Variants in DEPDC1 observed in about 807,000 individuals in gnomAD.
The protein encoded by DEPDC1 is DEP domain-containing protein 1A.
In DEPDC1, 66 loss-of-function variants were observed where a neutral mutation model predicts 86.8. The observed-to-expected ratio is 0.76, with a 90% CI of 0.62 to 0.93. The LOEUF (loss-of-function observed/expected upper bound fraction) is 0.93. DEPDC1 is among the 40% of genes least tolerant of loss of function. DEPDC1 has a pLI of 0.00. For missense variants in DEPDC1, 792 were observed against 935.7 expected (o/e 0.85, Z 2.00); for synonymous variants, 255 against 314.9 (o/e 0.81, Z 2.02).
In DEPDC1 at chr1:68,475,439, A is replaced by G. The variant is rs1646108868; in HGVS notation, c.*1493T>C. 1 of 151,898 alleles carries G rather than the reference A, an allele frequency of 6.6e-6. No individual in the cohort carries two copies. The highest frequency in any genetic ancestry group is 2.1e-4 in the South Asian group (1 of 4,830). The allele number at this position is 151,898 out of a possible 1,614,324, so 9.4% of individuals were successfully genotyped here. On this transcript the variant is annotated 3_prime_UTR_variant, in exon 12 of 12. Transcript: ENST00000456315. ...CTTAGAAAGAATTCATTTTGGTTCA[A>G]TAATTTTATAGCCAGGATAAAGTCA...
chr1:68,480,091 A>AT (rs1452944349), intron 9 of DEPDC1, among the ~76,000 whole-genome samples: 1 of 152,084 alleles, frequency 6.6e-6, no homozygotes, highest in Non-Finnish European at 1.5e-5. Context: ...GCTGGAAAAT[A>AT]GTTTTTAAAA....
chr1:68,487,055 C>A, intron 5 of DEPDC1, 71 bp from the exon 6 acceptor site: 1 of 1,389,460 alleles, frequency 7.2e-7, no homozygotes, highest in Admixed American at 2.2e-5. Flanking sequence ...AAATATCACA[C>A]TTACGTGCAA....
At chr1:68,481,387 T>C (rs1646154125) in intron 9 of DEPDC1, 53 bp downstream of exon 9, 2 of 1,517,440 alleles carry the variant, frequency 1.3e-6, no homozygotes, top group African/African-American at 2.8e-5. Context: ...AGTTTGGTTT[T>C]GTTATTTTGG....
Position 68,477,981 on chromosome 1 carries a change from A to G in DEPDC1, c.2113-9T>C, listed in dbSNP as rs759063702. On this transcript the variant is annotated splice_polypyrimidine_tract_variant and intron_variant, in intron 10 of 11. Transcript: ENST00000456315. ...TCTCCAGGATTTTCAATCTGTAGTGATCAAAATGATATAACTCTGTTAATT... is the reference window on the plus strand; with the variant it reads ...TCTCCAGGATTTTCAATCTGTAGTGGTCAAAATGATATAACTCTGTTAATT... The G allele has an allele frequency of 1.1e-5, 17 of 1,518,394 alleles. No individual in the cohort carries two copies. Among genetic ancestry groups the G allele is most frequent in the Non-Finnish European group, 1.5e-5 (17 of 1,131,578 alleles). The allele number at this position is 1,518,394 out of a possible 1,614,324, so 94.1% of individuals were successfully genotyped here. A position where few individuals can be genotyped will look rare whatever the true frequency, so the allele number is the denominator to read the frequency against.
rs775927702 is a variant in DEPDC1, at chr1:68,486,938, A to G, written c.768T>C (p.Asn256=). 1.9e-6 allele frequency: 3 copies of G among 1,595,776 alleles called. No homozygotes were observed. The Admixed American group carries it at 5.3e-5, about 28-fold the overall frequency. Reference sequence around the variant, plus strand: ...CACACACACATATATTTAACTTACAATTTGCTAGGCACTTCATGGCAGATA... The same window carrying G: ...CACACACACATATATTTAACTTACAGTTTGCTAGGCACTTCATGGCAGATA... ...WVLSAMKCLA[N]WPRSNDMNNP... Residue 256 remains asparagine, a splice_region_variant and synonymous_variant, in exon 6 of 12, where the codon AAT becomes AAC. Transcript: ENST00000456315.
At position 68,477,055 on chromosome 1, in the gene DEPDC1, A is replaced by G. The variant is rs375812118; in HGVS notation, c.2313T>C (p.Tyr771=). ...GAAATCTTTTCTGATATATCAAAGG[A>G]TATTCCTTCTGAAACTTAAAAATGA... is the stretch of plus-strand genomic sequence containing the variant. ...RKKLKQFQKE[Y]PLIYQKRFPT... is the part of the protein sequence containing the mutation. The change falls in exon 12 of 12, where the codon TAT becomes TAC. Residue 771 remains tyrosine, a synonymous_variant. Transcript: ENST00000456315. The G allele has an allele frequency of 5.6e-6, 9 of 1,601,796 alleles. 1 individual carries two copies. The highest frequency in any genetic ancestry group is 4.5e-5 in the South Asian group (4 of 88,488).
chr1:68,477,984 A>C lies in DEPDC1; in HGVS notation c.2113-12T>G, dbSNP rs966667344. The C allele has an allele frequency of 4.7e-6, 7 of 1,492,336 alleles. No homozygotes were observed. The African/African-American group carries it at 8.4e-5, about 18-fold the overall frequency. The allele number at this position is 1,492,336 out of a possible 1,614,324, so 92.4% of individuals were successfully genotyped here. A position where few individuals can be genotyped will look rare whatever the true frequency, so the allele number is the denominator to read the frequency against. On this transcript the variant is annotated splice_polypyrimidine_tract_variant and intron_variant, in intron 10 of 11. Coordinates refer to ENST00000456315, the MANE Select transcript of DEPDC1 (RefSeq NM_001114120.3). ...CCAGGATTTTCAATCTGTAGTGATCAAAATGATATAACTCTGTTAATTCTG... is the reference window on the plus strand; with the variant it reads ...CCAGGATTTTCAATCTGTAGTGATCCAAATGATATAACTCTGTTAATTCTG...
rs185196005 is a variant in DEPDC1 at position 68,482,424 on chromosome 1, T to G, written c.1384A>C (p.Lys462Gln). Residue 462 changes from lysine (K) to glutamine (Q), a missense_variant, in exon 8 of 12, where the codon AAA becomes CAA. Physicochemically the swap from Lys to Gln is moderately conservative, Grantham distance 53. Coordinates refer to ENST00000456315, the MANE Select transcript of DEPDC1 (RefSeq NM_001114120.3). ...NNKLFLESKP[K>Q]QEFLLNLHSE... ...TGAAGATTCAACAGGAATTCCTGTT[T>G]GGGCTTAGACTCTAAAAACAGTTTA... 310 of 1,612,812 alleles carry G rather than the reference T, an allele frequency of 1.9e-4. No homozygotes were observed. Among genetic ancestry groups the G allele is most frequent in the Admixed American group, 3.2e-4 (19 of 59,810 alleles).
chr1:68,483,656 G>T, intron 7 of DEPDC1: 1 of 247,642 alleles, frequency 4.0e-6, no homozygotes, highest in Non-Finnish European at 7.8e-6. Flanking sequence ...CTTCCATTTG[G>T]CTATTCTTGA....
Position 68,489,017 on chromosome 1 carries a change from T to C in DEPDC1, c.489A>G (p.Ile163Met). Reference sequence around the variant, plus strand: ...GATCTTCATTGATTATTTCATGCTTTATTTTCTCGCCATTTTCCTGAAAAA... The same window carrying C: ...GATCTTCATTGATTATTTCATGCTTCATTTTCTCGCCATTTTCCTGAAAAA... ...LHLSQENGEK[I>M]KHEIINEDQE... Residue 163 changes from isoleucine (I) to methionine (M), a missense_variant, in exon 4 of 12, where the codon ATA becomes ATG. By Grantham distance (10) the Ile-to-Met change is conservative. Transcript: ENST00000456315. The C allele has an allele frequency of 1.2e-6, 2 of 1,602,688 alleles. No homozygotes were observed. Among genetic ancestry groups the C allele is most frequent in the Non-Finnish European group, 8.5e-7 (1 of 1,171,908 alleles).
chr1:68,484,244 C>G (rs1020450264), intron 6 of DEPDC1, among the ~76,000 whole-genome samples, 154 bp from the exon 7 acceptor site: 2 of 152,046 alleles, frequency 1.3e-5, no homozygotes, highest in Non-Finnish European at 1.5e-5. Flanking sequence ...GTATTTCATT[C>G]TTCCTCATTA....
At chr1:68,489,696 G>T in intron 2 of DEPDC1, 88 bp from the exon 3 acceptor site, 2 of 975,858 alleles carry the variant, frequency 2.0e-6, no homozygotes, top group Non-Finnish European at 3.0e-6. Context: ...CACATAAAGA[G>T]CCTGACTTAT....
Position 68,497,011 on chromosome 1 carries a change from C to G in DEPDC1, c.-12G>C. The G allele has an allele frequency of 6.2e-7, 1 of 1,611,130 alleles. No homozygotes were observed. Among genetic ancestry groups the G allele is most frequent in the African/African-American group, 1.3e-5 (1 of 74,768 alleles). ...CCCTGACTCTCCATAGGTCTGTCAG[C>G]GCCCGGTGGCGTCCATGGCGGCGAA... On this transcript the variant is annotated 5_prime_UTR_variant, in exon 1 of 12. Coordinates refer to ENST00000456315, the MANE Select transcript of DEPDC1 (RefSeq NM_001114120.3).
At chr1:68,479,051 G>A (rs1646136030) in intron 10 of DEPDC1, 93 bp downstream of exon 10, 1 of 1,124,538 alleles carries the variant, frequency 8.9e-7, no homozygotes, top group African/African-American at 1.6e-5. Context: ...TATGGGAGCT[G>A]ATAAAGTCTC....
intron 1 of DEPDC1, 27 bp from the exon 2 acceptor site, chr1:68,494,722 A>T (rs1418837996): frequency 1.3e-6 from 2 of 1,570,222 alleles, no homozygotes; most frequent in East Asian, 4.5e-5. Flanking sequence ...AATATTTTTA[A>T]AAAATTGAAG....
chr1:68,485,164 TCACACACACA>T lies in DEPDC1; in HGVS notation c.770-1084_770-1075del, dbSNP rs57417497. Among the ~76,000 whole-genome samples the T allele has an allele frequency of 9.6e-3, 1,434 of 149,562 alleles. 19 individuals carry two copies. Among genetic ancestry groups the T allele is most frequent in the African/African-American group, 0.033 (1,366 of 40,866 alleles). On this transcript the variant is annotated intron_variant, in intron 6 of 11. Transcript: ENST00000456315. ...CTGAAAAAGAATTAAAGAAAACAATTCACACACACACACACACACACACACACTCTTAACA... is the reference window on the plus strand; with the variant it reads ...CTGAAAAAGAATTAAAGAAAACAATTCACACACACACACACACTCTTAACA...
rs1322808213 is a variant in DEPDC1 at position 68,482,137 on chromosome 1, A to G, written c.1671T>C (p.Ser557=). The G allele has an allele frequency of 1.1e-5, 17 of 1,612,842 alleles. No homozygotes were observed. Among genetic ancestry groups the G allele is most frequent in the Admixed American group, 1.7e-5 (1 of 59,894 alleles). Residue 557 remains serine, a synonymous_variant, in exon 8 of 12, where the codon AGT becomes AGC. Transcript: ENST00000456315. The part of the protein sequence containing the change: ...TAMESELGES[S]ATINKRLCKS... Reference sequence around the variant, plus strand: ...TGCAGAGTCTTTTATTGATTGTGGCACTAGACTCTCCGAGTTCACTTTCCA... The same window carrying G: ...TGCAGAGTCTTTTATTGATTGTGGCGCTAGACTCTCCGAGTTCACTTTCCA...
chr1:68,494,371 A>AT, intron 2 of DEPDC1, 59 bp downstream of exon 2: 1 of 1,454,016 alleles, frequency 6.9e-7, no homozygotes. Context: ...AAAGTATAAT[A>AT]TAAGTAGAGA....
At chr1:68,484,113 A>G in intron 6 of DEPDC1, 23 bp from the exon 7 acceptor site, 2 of 1,502,482 alleles carry the variant, frequency 1.3e-6, no homozygotes, top group East Asian at 4.9e-5. Context: ...AGGCAAGAGA[A>G]AAAGGTAAAG....
Sources: gnomAD v4.1 joint callset for allele counts (sites outside exome capture counted in the v4.1 genomes callset) on GRCh38, gnomAD v4.1.1 for gene constraint, MANE v1.5 for transcripts, NCBI Gene and HGNC (gene_info 2026-07-23, HGNC 2026-07-21) for gene names.